Variants in MOV10L1 observed in about 807,000 individuals in gnomAD.
MOV10L1 encodes the protein RNA helicase Mov10l1.
A neutral mutation model predicts 143.8 loss-of-function variants in MOV10L1; 110 were observed. The ratio of observed to expected loss-of-function variants is 0.76; its 90% CI spans 0.66 to 0.90. MOV10L1 has a LOEUF of 0.90. MOV10L1 is among the 40% of genes least tolerant of loss of function. MOV10L1 has a pLI of 0.00. For missense variants in MOV10L1, 1,406 were observed against 1,526.8 expected (o/e 0.92, Z 1.32); for synonymous variants, 593 against 581.1 (o/e 1.02, Z -0.29).
At position 50,152,133 on chromosome 22, in the gene MOV10L1, G is replaced by A. The variant is rs1006294295; in HGVS notation, c.2893-912G>A. On this transcript the variant is annotated intron_variant, in intron 21 of 26. Transcript: ENST00000262794. This position sits in a 1 kb window ranked among gnomAD's most constrained non-coding sequence, Gnocchi z 4.4. ...CGTTCTCGTGCCAGTGTCATCTGGC[G>A]AGTAACAGACAGCACTGCAGGAACA... Among the ~76,000 whole-genome samples, 2 of 148,760 alleles carry A rather than the reference G, an allele frequency of 1.3e-5. No individual in the cohort carries two copies. Among genetic ancestry groups the A allele is most frequent in the Admixed American group, 6.9e-5 (1 of 14,452 alleles).
In MOV10L1 at chr22:50,159,948, G is replaced by A. The variant is rs2063513452; in HGVS notation, c.3324+163G>A. ...AGGAGCCATTGTAAGCAGTGGCTGT[G>A]GGAAGGTCTTTTAAAACAATACTCA... On this transcript the variant is annotated intron_variant, in intron 24 of 26. Transcript: ENST00000262794. This position sits in a 1 kb window ranked among gnomAD's most constrained non-coding sequence, Gnocchi z 4.1. 6.6e-6 allele frequency among the ~76,000 whole-genome samples: 1 copy of A among 152,124 alleles called. No homozygotes were observed. Among genetic ancestry groups the A allele is most frequent in the South Asian group, 2.1e-4 (1 of 4,828 alleles).
intron 13 of MOV10L1, 134 bp from the exon 14 acceptor site, chr22:50,133,873 T>G: frequency 1.3e-6 from 1 of 764,840 alleles, no homozygotes; most frequent in Non-Finnish European, 2.1e-6. Flanking sequence ...CTCTATTTCA[T>G]TGATTGTTGG....
intron 13 of MOV10L1, among the ~76,000 whole-genome samples, chr22:50,130,975 C>T (rs13057188): frequency 0.22 from 33,988 of 152,024 alleles, 4,163 homozygotes; most frequent in Admixed American, 0.35. Flanking sequence ...CGGCTCACTG[C>T]AAGCTCTGCC....
rs367878826 is a variant in MOV10L1 at position 50,108,849 on chromosome 22, G to A, written c.743+5G>A. 21 of 1,613,672 alleles carry A rather than the reference G, an allele frequency of 1.3e-5. No individual in the cohort carries two copies. The highest frequency in any genetic ancestry group is 4.0e-5 in the African/African-American group (3 of 74,938). ...TATGACCCTAGTGAAGAGGCGGTAA[G>A]AAAATGCTTTTCTGGCCAGGTGCGG... is the stretch of plus-strand genomic sequence containing the variant. On this transcript the variant is annotated splice_donor_5th_base_variant and intron_variant, in intron 5 of 26. Coordinates refer to ENST00000262794, the MANE Select transcript of MOV10L1 (RefSeq NM_018995.3).
At chr22:50,131,886 G>A (rs1399807547) in intron 13 of MOV10L1, among the ~76,000 whole-genome samples, 1 of 152,178 alleles carries the variant, frequency 6.6e-6, no homozygotes, top group Non-Finnish European at 1.5e-5. Context: ...CCATAGATGG[G>A]GTGGCTTATA....
At position 50,117,453 on chromosome 22, in the gene MOV10L1, G is replaced by A. The variant is rs889597611; in HGVS notation, c.1454+102G>A. 1.1e-5 allele frequency: 13 copies of A among 1,206,352 alleles called. No homozygotes were observed. The African/African-American group carries it at 1.4e-4, about 13-fold the overall frequency. The allele number at this position is 1,206,352 out of a possible 1,614,324, so 74.7% of individuals were successfully genotyped here. A position where few individuals can be genotyped will look rare whatever the true frequency, so the allele number is the denominator to read the frequency against. On this transcript the variant is annotated intron_variant, in intron 9 of 26. Transcript: ENST00000262794. ...GCGGTGGCTACCACCTGGCTGGGGA[G>A]GTATAAAGGGGATGAAGCTGGGGTT...
At chr22:50,124,274 G>A (rs1445432239) in intron 10 of MOV10L1, among the ~76,000 whole-genome samples, 2 of 152,158 alleles carry the variant, frequency 1.3e-5, no homozygotes, top group African/African-American at 4.8e-5. Flanking sequence ...GCTCCCATAA[G>A]TCTTGCTGTA....
In MOV10L1 at chr22:50,125,554, CCTT is replaced by C. The variant is rs1251289429; in HGVS notation, c.1735_1737del (p.Ser579del). 3 of 1,614,086 alleles carry C rather than the reference CCTT, an allele frequency of 1.9e-6. No individual in the cohort carries two copies. The African/African-American group carries it at 4.0e-5, about 22-fold the overall frequency. On this transcript the variant is annotated inframe_deletion, in exon 11 of 27. Coordinates refer to ENST00000262794, the MANE Select transcript of MOV10L1 (RefSeq NM_018995.3). ...GGTCCCAGGGTTGGCCGAAGGGAGG[CCTT>C]CTCTCTACGCAGGTGTGTTTGTTAC...
At position 50,110,005 on chromosome 22, in the gene MOV10L1, C is replaced by T. The variant is rs980060297; in HGVS notation, c.743+1161C>T. Among the ~76,000 whole-genome samples, 4 of 151,966 alleles carry T rather than the reference C, an allele frequency of 2.6e-5. No individual in the cohort carries two copies. In the South Asian group the frequency reaches 6.2e-4, roughly 24 times the overall value. On this transcript the variant is annotated intron_variant, in intron 5 of 26. Coordinates refer to ENST00000262794, the MANE Select transcript of MOV10L1 (RefSeq NM_018995.3). ...CTCTACTAAAAATACAAAAATTACC[C>T]GGTTGTGGTGGCAGGCACCTGTAAT...
intron 10 of MOV10L1, among the ~76,000 whole-genome samples, chr22:50,121,450 G>C (rs1363889539): frequency 2.0e-5 from 3 of 152,032 alleles, no homozygotes; most frequent in Non-Finnish European, 2.9e-5. Context: ...CTGATCATCT[G>C]GCACTGGGAG....
At chr22:50,130,742 C>T (rs1239619108) in intron 13 of MOV10L1, among the ~76,000 whole-genome samples, 2 of 152,166 alleles carry the variant, frequency 1.3e-5, no homozygotes, top group African/African-American at 4.8e-5. Flanking sequence ...ACACAGCCTC[C>T]ATCATGGCAG....
At chr22:50,109,223 A>G (rs911784308) in intron 5 of MOV10L1, among the ~76,000 whole-genome samples, 3 of 152,212 alleles carry the variant, frequency 2.0e-5, no homozygotes, top group Non-Finnish European at 4.4e-5. Flanking sequence ...TAATAAGCCA[A>G]ATAGTAGACA....
At chr22:50,142,435 G>T (rs2063016050) in intron 16 of MOV10L1, among the ~76,000 whole-genome samples, 3 of 152,104 alleles carry the variant, frequency 2.0e-5, no homozygotes, top group African/African-American at 7.2e-5. Context: ...TTTTAATCCA[G>T]TCTCTAATAT....
At chr22:50,156,119 C>CTT (rs35419031) in intron 22 of MOV10L1, among the ~76,000 whole-genome samples, 1 of 141,916 alleles carries the variant, frequency 7.0e-6, no homozygotes. Context: ...ATGTTAAAAA[C>CTT]TTTTTTTTTT....
At chr22:50,115,758 G>C (rs1389206363) in intron 8 of MOV10L1, among the ~76,000 whole-genome samples, 1 of 152,214 alleles carries the variant, frequency 6.6e-6, no homozygotes, top group Non-Finnish European at 1.5e-5. Flanking sequence ...TGAGCTCCCT[G>C]TGCTTCTGCT....
chr22:50,133,941 C>A, intron 13 of MOV10L1, 66 bp from the exon 14 acceptor site: 2 of 1,369,192 alleles, frequency 1.5e-6, no homozygotes, highest in Non-Finnish European at 2.0e-6. Context: ...ATTTTCATTA[C>A]CTTATGCCAG....
intron 22 of MOV10L1, among the ~76,000 whole-genome samples, chr22:50,156,049 CTCATTCAT>C (rs536661217): frequency 3.3e-5 from 5 of 151,872 alleles, no homozygotes; most frequent in Admixed American, 6.6e-5. Context: ...GAAACCCTGT[CTCATTCAT>C]TCATTCATTC....
chr22:50,104,891 CT>C (rs138212), intron 3 of MOV10L1, among the ~76,000 whole-genome samples: 40,692 of 140,012 alleles, frequency 0.29, 5,898 homozygotes, highest in Admixed American at 0.38. Flanking sequence ...ATTGAGCCTT[CT>C]TTTTTTTTTT....
chr22:50,149,601 C>A lies in MOV10L1; in HGVS notation c.2628-14C>A. Reference sequence around the variant, plus strand: ...ATTCGGCAGAAATTACCATTTAGAACATCTTTGCTCTAGAGTTGGGCACTT... The same window carrying A: ...ATTCGGCAGAAATTACCATTTAGAAAATCTTTGCTCTAGAGTTGGGCACTT... On this transcript the variant is annotated splice_polypyrimidine_tract_variant and intron_variant, in intron 19 of 26. Transcript: ENST00000262794. 6.2e-7 allele frequency: 1 copy of A among 1,613,238 alleles called. No homozygotes were observed. Among genetic ancestry groups the A allele is most frequent in the Admixed American group, 1.7e-5 (1 of 59,932 alleles).
Sources: gnomAD v4.1 joint callset for allele counts (sites outside exome capture counted in the v4.1 genomes callset) on GRCh38, gnomAD v4.1.1 for gene constraint, Gnocchi (gnomAD v3.1) non-coding constraint, MANE v1.5 for transcripts, NCBI Gene and HGNC (gene_info 2026-07-23, HGNC 2026-07-21) for gene names.